PEAK1: variants seen among roughly 807,000 people sequenced by gnomAD.
PEAK1 encodes the protein inactive tyrosine-protein kinase PEAK1.
PEAK1 carries 54 observed loss-of-function variants against 124.7 expected under a neutral mutation model. That is an observed-to-expected ratio of 0.43 (90% CI 0.35 to 0.54). The LOEUF (loss-of-function observed/expected upper bound fraction) is 0.54. Ranked by LOEUF, PEAK1 falls within the 20% of genes least tolerant of loss-of-function variation. PEAK1 has a pLI of 0.01. For missense variants in PEAK1, 2,046 were observed against 2,134.5 expected, an observed-to-expected ratio of 0.96 and a Z score of 0.82; for synonymous variants, 719 against 760.0, an observed-to-expected ratio of 0.95 and a Z score of 0.89.
chr15:77,200,821 T>C (rs765318088), intron 6 of PEAK1, among the ~76,000 whole-genome samples: 6 of 152,054 alleles, frequency 3.9e-5, no homozygotes, highest in Non-Finnish European at 4.4e-5. Flanking sequence ...AGATCTTCCA[T>C]TAGGGTCAAA....
chr15:77,208,899 C>T (rs534540489), intron 6 of PEAK1, among the ~76,000 whole-genome samples: 93 of 152,250 alleles, frequency 6.1e-4, no homozygotes, highest in Non-Finnish European at 1.1e-3. Flanking sequence ...TTTACCACCT[C>T]CATTACTGCT....
At chr15:77,134,327 C>T (rs1301726320) in intron 8 of PEAK1, among the ~76,000 whole-genome samples, 1 of 152,158 alleles carries the variant, frequency 6.6e-6, no homozygotes, top group African/African-American at 2.4e-5. Flanking sequence ...AAAAGCCATG[C>T]TATTTATTTT....
At chr15:77,390,924 T>C (rs1057348185) in intron 1 of PEAK1, among the ~76,000 whole-genome samples, 5 of 152,128 alleles carry the variant, frequency 3.3e-5, no homozygotes, top group East Asian at 1.9e-4. Flanking sequence ...CAGGAACTCC[T>C]TGCAAGATGA....
chr15:77,371,228 C>T (rs1315293509), intron 1 of PEAK1: 3 of 984,004 alleles, frequency 3.0e-6, no homozygotes, highest in Middle Eastern at 5.2e-4. Context: ...CTTTCACATT[C>T]TGGTTCACTC....
intron 1 of PEAK1, among the ~76,000 whole-genome samples, chr15:77,416,931 G>A (rs1489080133): frequency 2.0e-5 from 3 of 152,090 alleles, no homozygotes; most frequent in Non-Finnish European, 2.9e-5. Context: ...TTGGTTACTA[G>A]AAAATTTTAA....
At chr15:77,418,261 G>A (rs2073052414) in intron 1 of PEAK1, 1 of 985,294 alleles carries the variant, frequency 1.0e-6, no homozygotes, top group South Asian at 4.7e-5. Context: ...ATAAATTTTA[G>A]CCTCTAAGTT....
At chr15:77,419,352 G>A (rs76533451) in intron 1 of PEAK1, 20,095 of 985,242 alleles carry the variant, frequency 0.02, 234 homozygotes, top group Middle Eastern at 0.034. Flanking sequence ...ATCGAAGGAG[G>A]AAAGAAAAGT....
intron 1 of PEAK1, among the ~76,000 whole-genome samples, chr15:77,385,629 C>T (rs1179187373): frequency 7.9e-5 from 12 of 152,166 alleles, no homozygotes; most frequent in Admixed American, 7.9e-4. Context: ...TATCTGGGGA[C>T]TGGGTGCCAA....
intron 5 of PEAK1, among the ~76,000 whole-genome samples, chr15:77,254,681 C>CT (rs2061043181): frequency 6.6e-6 from 1 of 152,128 alleles, no homozygotes; most frequent in South Asian, 2.1e-4. Flanking sequence ...TATCTTCCCA[C>CT]CACAGCCTTT....
At position 77,322,422 on chromosome 15, in the gene PEAK1, C is replaced by T. The variant is rs959307848; in HGVS notation, c.-602-35918G>A. ...AGAAAAGAGAGAAGAATCAAATAGA[C>T]GCAATAAAAAATGATAAAGGGGATA... is the stretch of plus-strand genomic sequence containing the variant. On this transcript the variant is annotated intron_variant, in intron 2 of 9. Transcript: ENST00000682557. Among the ~76,000 whole-genome samples, 45 of 151,878 alleles carry T rather than the reference C, an allele frequency of 3.0e-4. 1 individual carries two copies. The highest frequency in any genetic ancestry group is 6.6e-5 in the Admixed American group (1 of 15,240).
intron 2 of PEAK1, among the ~76,000 whole-genome samples, chr15:77,314,590 G>A (rs186739357): frequency 4.5e-4 from 68 of 152,004 alleles, no homozygotes; most frequent in African/African-American, 1.5e-3. Context: ...GGATGGTCTC[G>A]AACTCCTGAC....
intron 1 of PEAK1, chr15:77,381,220 G>A: frequency 1.0e-6 from 1 of 983,180 alleles, no homozygotes; most frequent in Non-Finnish European, 1.2e-6. Context: ...ATGGAAGCAA[G>A]GAAACCAACT....
chr15:77,410,704 C>G (rs1432995679), intron 1 of PEAK1, among the ~76,000 whole-genome samples: 2 of 152,210 alleles, frequency 1.3e-5, no homozygotes, highest in African/African-American at 4.8e-5. Flanking sequence ...TGCATTGGCT[C>G]TTTCCACTCA....
At chr15:77,123,217 C>T (rs1392586001) in intron 9 of PEAK1, among the ~76,000 whole-genome samples, 1 of 152,156 alleles carries the variant, frequency 6.6e-6, no homozygotes. Context: ...AAAATTTATA[C>T]TTTTTGCTTA....
At chr15:77,417,991 TATA>T (rs1595896502) in intron 1 of PEAK1, 1 of 970,098 alleles carries the variant, frequency 1.0e-6, no homozygotes, top group East Asian at 1.1e-4. Flanking sequence ...TGAGTACACG[TATA>T]ATGCATTCCA....
chr15:77,145,392 T>C (rs1053826251), intron 8 of PEAK1, among the ~76,000 whole-genome samples: 4 of 151,588 alleles, frequency 2.6e-5, no homozygotes, highest in African/African-American at 7.3e-5. Flanking sequence ...GAGGTTGCAG[T>C]GAGCCACCAT....
chr15:77,334,728 T>C (rs2066090946), intron 2 of PEAK1: 1 of 985,168 alleles, frequency 1.0e-6, no homozygotes, highest in Non-Finnish European at 1.2e-6. Flanking sequence ...TCTGATATTC[T>C]TGCTGTTTGT....
At chr15:77,188,260 T>A (rs2057649525) in intron 6 of PEAK1, among the ~76,000 whole-genome samples, 1 of 152,176 alleles carries the variant, frequency 6.6e-6, no homozygotes, top group South Asian at 2.1e-4. Flanking sequence ...CAGAAGCCCA[T>A]CCAGTTCCAA....
intron 1 of PEAK1, chr15:77,381,259 T>C: frequency 1.6e-5 from 16 of 978,012 alleles, no homozygotes; most frequent in Non-Finnish European, 1.9e-5. Flanking sequence ...CCTTAAAGAA[T>C]ACAGCAATGG....
Sources: gnomAD v4.1 joint callset for allele counts (sites outside exome capture counted in the v4.1 genomes callset) on GRCh38, gnomAD v4.1.1 for gene constraint, MANE v1.5 for transcripts, NCBI Gene and HGNC (gene_info 2026-07-23, HGNC 2026-07-21) for gene names.